The following GPR180 variants were observed in gnomAD, a reference collection of about 807,000 sequenced individuals.
The protein encoded by GPR180 is integral membrane protein GPR180.
A neutral mutation model predicts 52.6 loss-of-function variants in GPR180; 53 were observed. The observed-to-expected ratio is 1.01, with a 90% CI of 0.81 to 1.27. GPR180 has a LOEUF of 1.27. GPR180 is among the 50% of genes most tolerant of loss of function. GPR180 has a pLI of 0.00. For synonymous variants in GPR180, 200 were observed against 193.1 expected (o/e 1.04, Z -0.30); for missense variants, 533 against 527.0 (o/e 1.01, Z -0.11).
In GPR180 at chr13:94,631,026, C is replaced by T. The variant is rs1889987995; in HGVS notation, c.*3855C>T. ...CTGTTGCAGCTTATCCACATTATTG[C>T]TTATCTGTTGGCTTCTCTTGGCCTG... On this transcript the variant is annotated 3_prime_UTR_variant, in exon 9 of 9. Transcript: ENST00000376958. The T allele has an allele frequency of 6.6e-6, 1 of 152,228 alleles. No homozygotes were observed. The highest frequency in any genetic ancestry group is 1.5e-5 in the Non-Finnish European group (1 of 68,054). 9.4% of individuals were successfully genotyped at this position (152,228 alleles called of 1,614,324 possible). A position where few individuals can be genotyped will look rare whatever the true frequency, so the allele number is the denominator to read the frequency against.
rs1229321694 is a variant in GPR180 at position 94,605,269 on chromosome 13, G to T, written c.146-122G>T. 3.7e-6 allele frequency: 3 copies of T among 813,752 alleles called. No homozygotes were observed. The African/African-American group carries it at 5.2e-5, about 14-fold the overall frequency. 50.4% of individuals were successfully genotyped at this position (813,752 alleles called of 1,614,324 possible). ...TATGATGTGATTTACCTAGTTAAGC[G>T]AGATTTAAGAAGAATTGTGCTTTTT... On this transcript the variant is annotated intron_variant, in intron 1 of 8. Coordinates refer to ENST00000376958, the MANE Select transcript of GPR180 (RefSeq NM_180989.6).
chr13:94,626,138 G>A (rs1266490007), intron 8 of GPR180, 95 bp downstream of exon 8: 1 of 751,316 alleles, frequency 1.3e-6, no homozygotes, highest in Non-Finnish European at 2.1e-6. Context: ...TATTTTTTAA[G>A]ACATTTTCTG....
rs777854253 is a variant in GPR180, at chr13:94,627,053, T to C, written c.1205T>C (p.Met402Thr). Reference sequence around the variant, plus strand: ...GTTATCCTTTGCCAGTCTGTTTCCATGGTTATTCTCTACAGACTCTTTCTG... The same window carrying C: ...GTTATCCTTTGCCAGTCTGTTTCCACGGTTATTCTCTACAGACTCTTTCTG... ...IGVILCQSVS[M>T]VILYRLFLSH... Residue 402 changes from methionine to threonine, a missense_variant, in exon 9 of 9, where the codon ATG becomes ACG. Transcript: ENST00000376958. The C allele has an allele frequency of 1.9e-6, 3 of 1,611,506 alleles. No homozygotes were observed. In the African/African-American group the frequency reaches 4.0e-5, roughly 22 times the overall value.
intron 2 of GPR180, among the ~76,000 whole-genome samples, chr13:94,607,424 C>T (rs1369375835): frequency 6.6e-6 from 1 of 151,454 alleles, no homozygotes; most frequent in East Asian, 1.9e-4. Flanking sequence ...GCTTACCTCT[C>T]CGTTTCATCT....
chr13:94,607,038 C>A (rs944415193), intron 2 of GPR180, among the ~76,000 whole-genome samples: 2 of 152,180 alleles, frequency 1.3e-5, no homozygotes. Context: ...ACCATCTTCC[C>A]CATCCAGACC....
At position 94,627,227 on chromosome 13, in the gene GPR180, C is replaced by A; in HGVS notation, c.*56C>A. 6.9e-7 allele frequency: 1 copy of A among 1,458,260 alleles called. No homozygotes were observed. The highest frequency in any genetic ancestry group is 1.2e-5 in the South Asian group (1 of 81,496). 90.3% of individuals were successfully genotyped at this position (1,458,260 alleles called of 1,614,324 possible). On this transcript the variant is annotated 3_prime_UTR_variant, in exon 9 of 9. Transcript: ENST00000376958. ...TTGGTTAAAAGAGTGCAATAAGGATCCAAATACAGTGACTTTTTTTTCATA... is the reference window on the plus strand; with the variant it reads ...TTGGTTAAAAGAGTGCAATAAGGATACAAATACAGTGACTTTTTTTTCATA...
intron 1 of GPR180, 123 bp from the exon 2 acceptor site, chr13:94,605,268 C>A: frequency 2.5e-6 from 2 of 804,456 alleles, no homozygotes; most frequent in Admixed American, 2.3e-5. Context: ...CCTAGTTAAG[C>A]GAGATTTAAG....
chr13:94,603,207 A>AT (rs751921066), intron 1 of GPR180, among the ~76,000 whole-genome samples: 2 of 151,978 alleles, frequency 1.3e-5, no homozygotes, highest in Non-Finnish European at 2.9e-5. Flanking sequence ...CAATTTTATT[A>AT]TTTTTTGTAA....
intron 2 of GPR180, among the ~76,000 whole-genome samples, chr13:94,609,784 A>G (rs1402971062): frequency 6.6e-6 from 1 of 151,782 alleles, no homozygotes; most frequent in Admixed American, 6.6e-5. Context: ...TTTAAATGTC[A>G]GCTAACTTAT....
chr13:94,603,196 AC>A (rs1485672015), intron 1 of GPR180, among the ~76,000 whole-genome samples: 2 of 152,180 alleles, frequency 1.3e-5, no homozygotes, highest in Non-Finnish European at 2.9e-5. Flanking sequence ...AACACTAGAA[AC>A]AATTTTATTA....
chr13:94,611,726 C>T (rs1889708590), intron 2 of GPR180, among the ~76,000 whole-genome samples: 1 of 151,976 alleles, frequency 6.6e-6, no homozygotes, highest in Non-Finnish European at 1.5e-5. Flanking sequence ...CCATGCCCTA[C>T]AACTACCCAT....
rs181588666 is a variant in GPR180 at position 94,603,673 on chromosome 13, A to G, written c.145+1601A>G. On this transcript the variant is annotated intron_variant, in intron 1 of 8. Transcript: ENST00000376958. ...ATGTAAGAGACTTGCACATTCTTTG[A>G]TATATATACTGTATATTTAAATATA... Among the ~76,000 whole-genome samples, 1,347 of 152,284 alleles carry G rather than the reference A, an allele frequency of 8.8e-3. 11 individuals are homozygous for G. Among genetic ancestry groups the G allele is most frequent in the Non-Finnish European group, 0.014 (963 of 68,028 alleles).
chr13:94,611,209 A>G (rs777193572), intron 2 of GPR180, among the ~76,000 whole-genome samples: 2 of 152,150 alleles, frequency 1.3e-5, no homozygotes, highest in African/African-American at 2.4e-5. Context: ...GATCCAGTAT[A>G]ATAACTTCTG....
Position 94,612,236 on chromosome 13 carries a change from G to A in GPR180, c.351G>A (p.Pro117=), listed in dbSNP as rs560801980. The change falls in exon 3 of 9, where the codon CCG becomes CCA. Residue 117 remains proline, a synonymous_variant. Coordinates refer to ENST00000376958, the MANE Select transcript of GPR180 (RefSeq NM_180989.6). ...ATAATCTGACAGTGTCCCAGATTCCGTCTCCACAAACGTGGCATGTGTTTT... is the reference window on the plus strand; with the variant it reads ...ATAATCTGACAGTGTCCCAGATTCCATCTCCACAAACGTGGCATGTGTTTT... ...TEHNLTVSQI[P]SPQTWHVFYA... is the part of the protein sequence containing the mutation. 5.1e-5 allele frequency: 82 copies of A among 1,614,082 alleles called. 1 individual carries two copies. The South Asian group carries it at 6.0e-4, about 12-fold the overall frequency.
At chr13:94,622,087 T>A (rs1889858961) in intron 6 of GPR180, among the ~76,000 whole-genome samples, 1 of 150,902 alleles carries the variant, frequency 6.6e-6, no homozygotes, top group Non-Finnish European at 1.5e-5. Flanking sequence ...AGGTTTTGAG[T>A]GGAATAGGAG....
At chr13:94,623,073 T>G (rs542556740) in intron 6 of GPR180, 36 bp from the exon 7 acceptor site, 8 of 1,514,382 alleles carry the variant, frequency 5.3e-6, no homozygotes, top group Non-Finnish European at 7.2e-6. Flanking sequence ...AGGTATATTT[T>G]TTTTTCCTAA....
chr13:94,610,371 A>C (rs535844603), intron 2 of GPR180, among the ~76,000 whole-genome samples: 5 of 152,322 alleles, frequency 3.3e-5, no homozygotes, highest in African/African-American at 1.2e-4. Flanking sequence ...TTTTGGGTGC[A>C]ATCTAGAGTT....
chr13:94,604,502 A>C (rs1889604551), intron 1 of GPR180, among the ~76,000 whole-genome samples: 1 of 151,996 alleles, frequency 6.6e-6, no homozygotes, highest in African/African-American at 2.4e-5. Context: ...AATCAGGAGA[A>C]TCGCTTGAAC....
In GPR180 at chr13:94,627,382, G is replaced by T. The variant is rs959199281; in HGVS notation, c.*211G>T. The T allele has an allele frequency of 2.2e-6, 1 of 461,214 alleles. No homozygotes were observed. The highest frequency in any genetic ancestry group is 5.4e-4 in the Middle Eastern group (1 of 1,840). The allele number at this position is 461,214 out of a possible 1,614,324, so 28.6% of individuals were successfully genotyped here. A position where few individuals can be genotyped will look rare whatever the true frequency, so the allele number is the denominator to read the frequency against. On this transcript the variant is annotated 3_prime_UTR_variant, in exon 9 of 9. Transcript: ENST00000376958. ...GAAATATACTTAAACAACAAACTTTGAAGAAAGTGTTGTTATAAAATTATT... is the reference window on the plus strand; with the variant it reads ...GAAATATACTTAAACAACAAACTTTTAAGAAAGTGTTGTTATAAAATTATT...
Sources: gnomAD v4.1 joint callset for allele counts (sites outside exome capture counted in the v4.1 genomes callset) on GRCh38, gnomAD v4.1.1 for gene constraint, MANE v1.5 for transcripts, NCBI Gene and HGNC (gene_info 2026-07-23, HGNC 2026-07-21) for gene names.